The following NTM variants were observed in gnomAD, a reference collection of about 807,000 sequenced individuals.
NTM encodes the protein neurotrimin, also known as IgLON family member 2.
Under a neutral mutation model 42.1 loss-of-function variants are expected in NTM, and 13 were observed. The observed-to-expected ratio is 0.31, with a 90% CI of 0.20 to 0.49. The LOEUF (loss-of-function observed/expected upper bound fraction) is 0.49, where lower values mean the gene tolerates loss of function less well. Ranked by LOEUF, NTM falls within the 20% of genes least tolerant of loss-of-function variation. The pLI is 0.99. For missense variants in NTM, 373 were observed against 452.8 expected (o/e 0.82, Z 1.60); for synonymous variants, 187 against 179.2 (o/e 1.04, Z -0.35).
chr11:131,662,672 T>A (rs1468274741), intron 1 of NTM, among the ~76,000 whole-genome samples: 1 of 152,150 alleles, frequency 6.6e-6, no homozygotes, highest in Non-Finnish European at 1.5e-5. Context: ...TTTTTGAGCG[T>A]GTTCACAGAA....
chr11:131,803,973 C>CA (rs2136249901), intron 1 of NTM, among the ~76,000 whole-genome samples: 1 of 152,294 alleles, frequency 6.6e-6, no homozygotes, highest in African/African-American at 2.4e-5. Flanking sequence ...ACTATTTATC[C>CA]AAAAATCTCA....
intron 1 of NTM, among the ~76,000 whole-genome samples, chr11:131,389,024 A>AAAAAAAAAAAAAAAGAAAAGAAAAG (rs774146196): frequency 6.7e-5 from 6 of 89,904 alleles, no homozygotes; most frequent in Non-Finnish European, 1.1e-4. Flanking sequence ...AAAAAAAAAA[A>AAAAAAAAAAAAAAAGAAAAGAAAAG]AAAAGAAAAG....
At chr11:132,081,434 C>T (rs756578763) in intron 2 of NTM, among the ~76,000 whole-genome samples, 1 of 152,068 alleles carries the variant, frequency 6.6e-6, no homozygotes, top group African/African-American at 2.4e-5. Context: ...AATACATCTT[C>T]AAAAGCCAGA....
At chr11:131,867,614 A>G (rs1316254805) in intron 1 of NTM, among the ~76,000 whole-genome samples, 2 of 151,204 alleles carry the variant, frequency 1.3e-5, no homozygotes, top group African/African-American at 4.9e-5. Context: ...GTGTGTATGT[A>G]TGCATGTGTG....
chr11:132,145,989 G>T (rs117658057), intron 2 of NTM, among the ~76,000 whole-genome samples: 1 of 152,166 alleles, frequency 6.6e-6, no homozygotes, highest in Non-Finnish European at 1.5e-5. Context: ...GGTAGTATTC[G>T]AAGTATCCAG....
chr11:132,267,132 G>A (rs772405942), intron 4 of NTM, among the ~76,000 whole-genome samples: 4 of 152,120 alleles, frequency 2.6e-5, no homozygotes, highest in African/African-American at 9.7e-5. Context: ...CCCTTTCCCT[G>A]GAGTAGCTAG....
At chr11:132,203,158 T>C (rs920172519) in intron 3 of NTM, among the ~76,000 whole-genome samples, 1 of 152,200 alleles carries the variant, frequency 6.6e-6, no homozygotes, top group African/African-American at 2.4e-5. Flanking sequence ...CATTTAAAGA[T>C]GCTGTTTATC....
chr11:132,124,625 G>A (rs190297779), intron 2 of NTM, among the ~76,000 whole-genome samples: 2 of 152,254 alleles, frequency 1.3e-5, no homozygotes, highest in African/African-American at 4.8e-5. Flanking sequence ...GTGTGTGTGC[G>A]CGCGCACGCG....
intron 1 of NTM, chr11:131,537,417 G>A (rs555013797): frequency 6.6e-6 from 1 of 152,150 alleles, no homozygotes; most frequent in Non-Finnish European, 1.5e-5. Context: ...AGACAGCTGC[G>A]CAGGGTATAA....
chr11:132,114,566 C>T (rs2063631061), intron 2 of NTM, among the ~76,000 whole-genome samples: 1 of 152,166 alleles, frequency 6.6e-6, no homozygotes, highest in South Asian at 2.1e-4. Context: ...TTTCCCATAC[C>T]CCTGGCCATT....
chr11:131,437,731 C>A (rs1027496951), intron 1 of NTM, among the ~76,000 whole-genome samples: 1 of 152,176 alleles, frequency 6.6e-6, no homozygotes, highest in Non-Finnish European at 1.5e-5. Context: ...GGTCTTGACT[C>A]TTTATCCAAT....
intron 1 of NTM, among the ~76,000 whole-genome samples, chr11:131,685,431 G>A (rs1476372057): frequency 6.6e-6 from 1 of 152,230 alleles, no homozygotes; most frequent in Non-Finnish European, 1.5e-5. Flanking sequence ...GGTCATGGCA[G>A]TTTGTCTCTG....
chr11:132,314,806 A>G, intron 7 of NTM, 103 bp downstream of exon 7: 1 of 1,423,226 alleles, frequency 7.0e-7, no homozygotes, highest in Non-Finnish European at 9.2e-7. Flanking sequence ...TTAGCAGGGT[A>G]TCAGTGGACA....
chr11:132,014,756 T>C (rs1731356120), intron 2 of NTM, among the ~76,000 whole-genome samples: 1 of 135,366 alleles, frequency 7.4e-6, no homozygotes, highest in South Asian at 2.3e-4. Flanking sequence ...TTTTTTTTTT[T>C]GCTGTTGAGT....
chr11:131,773,116 C>A (rs2086389702), intron 1 of NTM, among the ~76,000 whole-genome samples: 1 of 152,148 alleles, frequency 6.6e-6, no homozygotes, highest in Non-Finnish European at 1.5e-5. Context: ...GTTCTGGAAG[C>A]TGGGAAGTCC....
chr11:132,224,473 G>A (rs2085796857), intron 4 of NTM, among the ~76,000 whole-genome samples: 1 of 152,124 alleles, frequency 6.6e-6, no homozygotes, highest in African/African-American at 2.4e-5. Context: ...AGATGCACAT[G>A]CCTGTATGCA....
chr11:132,288,723 G>C (rs571230058), intron 4 of NTM, among the ~76,000 whole-genome samples: 1 of 152,172 alleles, frequency 6.6e-6, no homozygotes, highest in Middle Eastern at 3.4e-3. Context: ...GGGTTCAAGC[G>C]ATTGTCCTGC....
intron 1 of NTM, among the ~76,000 whole-genome samples, chr11:131,478,030 T>C (rs1202895758): frequency 1.3e-5 from 2 of 152,136 alleles, no homozygotes; most frequent in East Asian, 3.9e-4. Flanking sequence ...CTTCCACTTA[T>C]TTCTTCTCTC....
chr11:131,508,971 C>T, intron 1 of NTM, among the ~76,000 whole-genome samples: 1 of 151,206 alleles, frequency 6.6e-6, no homozygotes, highest in Non-Finnish European at 1.5e-5. Context: ...ACCAACATGG[C>T]ACATGTATAC....
Sources: gnomAD v4.1 joint callset for allele counts (sites outside exome capture counted in the v4.1 genomes callset) on GRCh38, gnomAD v4.1.1 for gene constraint, MANE v1.5 for transcripts, NCBI Gene and HGNC (gene_info 2026-07-23, HGNC 2026-07-21) for gene names.